The following KCNH7 variants were observed in gnomAD, a reference collection of about 807,000 sequenced individuals.
KCNH7 encodes the protein potassium voltage-gated channel subfamily H member 7.
A neutral mutation model predicts 120.8 loss-of-function variants in KCNH7; 49 were observed. The ratio of observed to expected loss-of-function variants is 0.41; its 90% CI spans 0.32 to 0.51. The LOEUF (loss-of-function observed/expected upper bound fraction) is 0.51. KCNH7 is among the 20% of genes least tolerant of loss of function. The probability of loss-of-function intolerance (pLI) is 0.38; values close to 1 mark genes in which losing one functional copy is unlikely to be tolerated. For synonymous variants in KCNH7, 547 were observed against 516.1 expected (o/e 1.06, Z -0.81); for missense variants, 1,097 against 1,446.6 (o/e 0.76, Z 3.92).
chr2:162,716,694 G>C (rs1687135499), intron 2 of KCNH7, among the ~76,000 whole-genome samples: 1 of 152,056 alleles, frequency 6.6e-6, no homozygotes, highest in Non-Finnish European at 1.5e-5. Flanking sequence ...CTTATACCCA[G>C]GGTATTTTAT....
At chr2:162,382,636 G>A (rs1686453045) in intron 13 of KCNH7, among the ~76,000 whole-genome samples, 1 of 151,920 alleles carries the variant, frequency 6.6e-6, no homozygotes, top group Non-Finnish European at 1.5e-5. Context: ...TCCTCTGTTG[G>A]ATTCAGCATC....
chr2:162,547,636 G>A (rs1415871347), intron 2 of KCNH7, among the ~76,000 whole-genome samples: 1 of 152,112 alleles, frequency 6.6e-6, no homozygotes, highest in Non-Finnish European at 1.5e-5. Context: ...AAAAAAATAA[G>A]TAATTTCCCC....
At chr2:162,442,728 C>A (rs939687778) in intron 7 of KCNH7, among the ~76,000 whole-genome samples, 2 of 152,008 alleles carry the variant, frequency 1.3e-5, no homozygotes, top group African/African-American at 4.8e-5. Context: ...ATGGTGGTGT[C>A]TGCCTGTAGT....
chr2:162,796,497 C>T (rs776878993), intron 2 of KCNH7: 10 of 152,102 alleles, frequency 6.6e-5, no homozygotes, highest in Admixed American at 1.3e-4. Flanking sequence ...ACTTCACTAA[C>T]GATAGCTAGT....
At chr2:162,706,905 G>T (rs1276571177) in intron 2 of KCNH7, among the ~76,000 whole-genome samples, 1 of 152,134 alleles carries the variant, frequency 6.6e-6, no homozygotes, top group Admixed American at 6.6e-5. Context: ...GTGTAACTGA[G>T]AACTTTAATG....
At chr2:162,696,994 T>C (rs1369253) in intron 2 of KCNH7, among the ~76,000 whole-genome samples, 50,226 of 152,038 alleles carry the variant, frequency 0.33, 13,472 homozygotes, top group African/African-American at 0.73. Context: ...TTAGTTATTT[T>C]CATTTATTTA....
chr2:162,534,020 T>A (rs1421503300), intron 3 of KCNH7, among the ~76,000 whole-genome samples: 2 of 151,440 alleles, frequency 1.3e-5, no homozygotes, highest in Non-Finnish European at 3.0e-5. Context: ...CAAAAAATAA[T>A]ACTTTAAAAA....
intron 2 of KCNH7, among the ~76,000 whole-genome samples, chr2:162,595,368 G>T (rs926984518): frequency 2.0e-5 from 3 of 151,960 alleles, no homozygotes; most frequent in Non-Finnish European, 4.4e-5. Context: ...ATTGACAAGT[G>T]AGGATTATGG....
At chr2:162,703,828 C>G (rs1441780309) in intron 2 of KCNH7, among the ~76,000 whole-genome samples, 1 of 152,122 alleles carries the variant, frequency 6.6e-6, no homozygotes, top group South Asian at 2.1e-4. Context: ...GACAATACAG[C>G]TAGATCTTCT....
intron 2 of KCNH7, among the ~76,000 whole-genome samples, chr2:162,650,758 A>G (rs1684536967): frequency 6.6e-6 from 1 of 152,190 alleles, no homozygotes; most frequent in South Asian, 2.1e-4. Flanking sequence ...CAGCTCTACC[A>G]GAGCAAGGGT....
intron 2 of KCNH7, among the ~76,000 whole-genome samples, chr2:162,572,816 A>G (rs929227453): frequency 2.7e-4 from 41 of 150,592 alleles, no homozygotes; most frequent in African/African-American, 1.0e-3. Context: ...CAAACACCGC[A>G]TATTCTCACT....
intron 2 of KCNH7, among the ~76,000 whole-genome samples, chr2:162,757,151 T>C (rs1276975647): frequency 2.0e-5 from 3 of 152,210 alleles, no homozygotes; most frequent in Non-Finnish European, 4.4e-5. Context: ...TTTATTTGAA[T>C]CTGTAAAGCT....
At chr2:162,377,557 G>A (rs921722357) in intron 14 of KCNH7, among the ~76,000 whole-genome samples, 1 of 152,172 alleles carries the variant, frequency 6.6e-6, no homozygotes, top group East Asian at 1.9e-4. Flanking sequence ...GCTGGTTCGA[G>A]ATTGGACAGG....
intron 3 of KCNH7, among the ~76,000 whole-genome samples, chr2:162,525,657 AG>A (rs1458786011): frequency 1.3e-5 from 2 of 152,022 alleles, no homozygotes; most frequent in African/African-American, 4.8e-5. Context: ...CAAATTAAAA[AG>A]TCCATTCAAG....
rs1685696755 is a variant in KCNH7, at chr2:162,681,155, AAAAT to A, written c.308-144079_308-144076del. Among the ~76,000 whole-genome samples, 3 of 151,956 alleles carry A rather than the reference AAAAT, an allele frequency of 2.0e-5. 1 individual carries two copies. Among genetic ancestry groups the A allele is most frequent in the African/African-American group, 4.8e-5 (2 of 41,540 alleles). ...TTATTAAAACAAGAGAGGCAAAATA[AAAAT>A]AAATAAAGTGATAGTTAAGTGTAAA... On this transcript the variant is annotated intron_variant, in intron 2 of 15. Coordinates refer to ENST00000332142, the MANE Select transcript of KCNH7 (RefSeq NM_033272.4).
chr2:162,537,733 A>G (rs911319479), intron 2 of KCNH7, among the ~76,000 whole-genome samples: 29 of 152,076 alleles, frequency 1.9e-4, no homozygotes, highest in African/African-American at 6.5e-4. Context: ...TCAAGACGAT[A>G]TTCTTCTAAA....
intron 8 of KCNH7, among the ~76,000 whole-genome samples, chr2:162,433,699 C>T (rs938035096): frequency 6.6e-6 from 1 of 151,932 alleles, no homozygotes; most frequent in Non-Finnish European, 1.5e-5. Context: ...TAGGAAATAC[C>T]ATCTGGATAA....
chr2:162,831,609 C>A (rs914671868), intron 2 of KCNH7, among the ~76,000 whole-genome samples: 1 of 152,156 alleles, frequency 6.6e-6, no homozygotes, highest in African/African-American at 2.4e-5. Context: ...ACTCTCCTGG[C>A]AGGCCAGATT....
intron 6 of KCNH7, among the ~76,000 whole-genome samples, chr2:162,470,117 C>T (rs1413425078): frequency 3.3e-5 from 5 of 152,226 alleles, no homozygotes; most frequent in African/African-American, 1.2e-4. Flanking sequence ...GCAGCCTCTA[C>T]CCGGCCGCCA....
Sources: gnomAD v4.1 joint callset for allele counts (sites outside exome capture counted in the v4.1 genomes callset) on GRCh38, gnomAD v4.1.1 for gene constraint, MANE v1.5 for transcripts, NCBI Gene and HGNC (gene_info 2026-07-23, HGNC 2026-07-21) for gene names.